HSP90B1: variants seen among roughly 807,000 people sequenced by gnomAD.
The protein encoded by HSP90B1 is heat shock protein 90 beta family member 1.
HSP90B1 carries 27 observed loss-of-function variants against 100.4 expected under a neutral mutation model. That is an observed-to-expected ratio of 0.27 (90% CI 0.20 to 0.37). The LOEUF (loss-of-function observed/expected upper bound fraction) is 0.37. HSP90B1 is among the 10% of genes least tolerant of loss of function. The pLI is 1.00. For synonymous variants in HSP90B1, 304 were observed against 330.8 expected, an observed-to-expected ratio of 0.92 and a Z score of 0.88; for missense variants, 678 against 960.5, an observed-to-expected ratio of 0.71 and a Z score of 3.89.
intron 5 of HSP90B1, among the ~76,000 whole-genome samples, chr12:103,934,967 C>A (rs1869868715): frequency 6.6e-6 from 1 of 152,274 alleles, no homozygotes; most frequent in Admixed American, 6.5e-5. Context: ...TCCCAAAGTG[C>A]TGGGATTACA....
chr12:103,946,625 G>T lies in HSP90B1; in HGVS notation c.2035G>T (p.Ala679Ser). 6.2e-7 allele frequency: 1 copy of T among 1,612,048 alleles called. No individual in the cohort carries two copies. The highest frequency in any genetic ancestry group is 8.5e-7 in the Non-Finnish European group (1 of 1,178,316). The change falls in exon 15 of 18, where the codon GCG (alanine) becomes TCG (serine). Residue 679 changes from alanine to serine, a missense_variant. Coordinates refer to ENST00000299767, the MANE Select transcript of HSP90B1 (RefSeq NM_003299.3). ...TGKDISTNYY[A>S]SQKKTFEINP... Reference sequence around the variant, plus strand: ...ATTTTTATCTCTTAACAGTTACTATGCGAGTCAGAAGAAAACATTTGAAAT... The same window carrying T: ...ATTTTTATCTCTTAACAGTTACTATTCGAGTCAGAAGAAAACATTTGAAAT...
chr12:103,947,817 T>C lies in HSP90B1; in HGVS notation c.*155T>C, dbSNP rs1870287553. On this transcript the variant is annotated 3_prime_UTR_variant, in exon 18 of 18. Transcript: ENST00000299767. The stretch of plus-strand genomic sequence containing the variant: ...GGGTCACAGGAAAAAGTGGGTTTTT[T>C]AGTTGAATTTTTTTTAACATTCCTC... 1 of 696,704 alleles carries C rather than the reference T, an allele frequency of 1.4e-6. No homozygotes were observed. The highest frequency in any genetic ancestry group is 2.6e-6 in the Non-Finnish European group (1 of 384,838). The allele number at this position is 696,704 out of a possible 1,614,324, so 43.2% of individuals were successfully genotyped here. A position where few individuals can be genotyped will look rare whatever the true frequency, so the allele number is the denominator to read the frequency against.
intron 16 of HSP90B1, among the ~76,000 whole-genome samples, 178 bp from the exon 17 acceptor site, chr12:103,947,133 C>T (rs369767654): frequency 1.1e-4 from 17 of 152,200 alleles, no homozygotes; most frequent in African/African-American, 3.4e-4. Flanking sequence ...CCTCCTTTTA[C>T]GTCCTCTTTC....
intron 14 of HSP90B1, 34 bp from the exon 15 acceptor site, chr12:103,946,584 T>C (rs775150661): frequency 2.0e-6 from 3 of 1,466,190 alleles, no homozygotes; most frequent in South Asian, 2.3e-5. Context: ...AAATTGGATA[T>C]GTTTTGTTAA....
rs1342049872 is a variant in HSP90B1, at chr12:103,932,259, CCTAA to C, written c.153-15_153-12del. On this transcript the variant is annotated splice_polypyrimidine_tract_variant and intron_variant, in intron 2 of 17. Coordinates refer to ENST00000299767, the MANE Select transcript of HSP90B1 (RefSeq NM_003299.3). ...AACTATGCCATGCAATATTTGCTTA[CCTAA>C]CTGATTTCCTTAGAGAGGAAGAAGC... 5.0e-6 allele frequency: 8 copies of C among 1,595,558 alleles called. No individual in the cohort carries two copies. In the South Asian group the frequency reaches 5.7e-5, roughly 11 times the overall value.
In HSP90B1 at chr12:103,947,712, ACAT is replaced by A. The variant is rs768203454; in HGVS notation, c.*54_*56del. ...TGTGTGGAGAGGGAATGTGAAATTT[ACAT>A]CATTTCTTTTTGGGAGAGACTTGTT... is the stretch of plus-strand genomic sequence containing the variant. On this transcript the variant is annotated 3_prime_UTR_variant, in exon 18 of 18. Coordinates refer to ENST00000299767, the MANE Select transcript of HSP90B1 (RefSeq NM_003299.3). The A allele has an allele frequency of 2.0e-6, 3 of 1,477,676 alleles. No individual in the cohort carries two copies. The highest frequency in any genetic ancestry group is 1.7e-4 in the Middle Eastern group (1 of 5,774). The allele number at this position is 1,477,676 out of a possible 1,614,324, so 91.5% of individuals were successfully genotyped here. A position where few individuals can be genotyped will look rare whatever the true frequency, so the allele number is the denominator to read the frequency against.
chr12:103,932,999 G>A lies in HSP90B1; in HGVS notation c.411+57G>A, dbSNP rs1555271028. ...AGGAAAAGGAATCCTTAAAGGTAGA[G>A]GATCCCTATCAGTCAAGATAGGCTA... On this transcript the variant is annotated intron_variant, in intron 4 of 17. Coordinates refer to ENST00000299767, the MANE Select transcript of HSP90B1 (RefSeq NM_003299.3). 5.5e-6 allele frequency: 5 copies of A among 911,486 alleles called. No homozygotes were observed. In the South Asian group the frequency reaches 6.6e-5, roughly 12 times the overall value. 56.5% of individuals were successfully genotyped at this position (911,486 alleles called of 1,614,324 possible).
intron 5 of HSP90B1, 44 bp downstream of exon 5, chr12:103,934,331 G>A: frequency 1.4e-6 from 2 of 1,417,194 alleles, no homozygotes; most frequent in Non-Finnish European, 2.0e-6. Flanking sequence ...GTCATGGTGA[G>A]GATCTTGACT....
intron 7 of HSP90B1, among the ~76,000 whole-genome samples, chr12:103,939,098 C>CTT (rs34408098): frequency 1.4e-5 from 2 of 144,272 alleles, no homozygotes. Context: ...CTTTGGTGCC[C>CTT]TTTTTTTTTT....
rs745570540 is a variant in HSP90B1, at chr12:103,934,135, C to T, written c.591C>T (p.Val197=). ...CTGAATTGATTGGCCAGTTTGGTGT[C>T]GGTTTCTATTCCGCCTTCCTTGTAG... The part of the protein sequence containing the change: ...STSELIGQFG[V]GFYSAFLVAD... The change falls in exon 5 of 18, where the codon GTC becomes GTT. Residue 197 remains valine, a synonymous_variant. Coordinates refer to ENST00000299767, the MANE Select transcript of HSP90B1 (RefSeq NM_003299.3). The T allele has an allele frequency of 1.1e-5, 17 of 1,614,180 alleles. No homozygotes were observed. The highest frequency in any genetic ancestry group is 1.6e-4 in the Middle Eastern group (1 of 6,062).
chr12:103,931,934 T>C, intron 2 of HSP90B1: 1 of 447,076 alleles, frequency 2.2e-6, no homozygotes, highest in Non-Finnish European at 4.1e-6. Flanking sequence ...ATGGGATTTC[T>C]GTCAGTTGAA....
At chr12:103,946,721 T>C (rs775405003) in intron 15 of HSP90B1, 25 bp downstream of exon 15, 15 of 1,612,968 alleles carry the variant, frequency 9.3e-6, no homozygotes, top group Non-Finnish European at 1.3e-5. Context: ...GTCCTCTTGC[T>C]TGTCTTTTAA....
intron 4 of HSP90B1, 65 bp downstream of exon 4, chr12:103,933,007 A>G (rs904173086): frequency 2.4e-6 from 2 of 846,152 alleles, no homozygotes; most frequent in African/African-American, 1.7e-5. Flanking sequence ...GAGGATCCCT[A>G]TCAGTCAAGA....
At chr12:103,940,010 T>C (rs1870028651) in intron 8 of HSP90B1, among the ~76,000 whole-genome samples, 1 of 152,242 alleles carries the variant, frequency 6.6e-6, no homozygotes, top group African/African-American at 2.4e-5. Context: ...ATCAAGAATG[T>C]TTGAAACAGT....
Position 103,941,462 on chromosome 12 carries a change from C to A in HSP90B1, c.1145C>A (p.Thr382Asn). ...CACTTTACTGCTGAAGGGGAAGTTA[C>A]CTTCAAATCAATTTTATTTGTACCC... ...YIHFTAEGEV[T>N]FKSILFVPTS... The change falls in exon 9 of 18, where the codon ACC (threonine) becomes AAC (asparagine). Residue 382 changes from threonine to asparagine, a missense_variant. Coordinates refer to ENST00000299767, the MANE Select transcript of HSP90B1 (RefSeq NM_003299.3). 1 of 1,613,346 alleles carries A rather than the reference C, an allele frequency of 6.2e-7. No homozygotes were observed. Among genetic ancestry groups the A allele is most frequent in the Non-Finnish European group, 8.5e-7 (1 of 1,179,832 alleles).
At chr12:103,944,536 C>T (rs1870169312) in intron 14 of HSP90B1, among the ~76,000 whole-genome samples, 1 of 151,898 alleles carries the variant, frequency 6.6e-6, no homozygotes, top group African/African-American at 2.4e-5. Context: ...ATCCTTTTTT[C>T]CCAAGGCCTA....
intron 16 of HSP90B1, 46 bp downstream of exon 16, chr12:103,946,987 TTTCTG>T: frequency 6.3e-7 from 1 of 1,577,010 alleles, no homozygotes; most frequent in Non-Finnish European, 8.6e-7. Flanking sequence ...GCTTTCTTTG[TTTCTG>T]TTCTTTCAGA....
chr12:103,931,493 GAA>G, intron 1 of HSP90B1, 26 bp from the exon 2 acceptor site: 4 of 1,553,800 alleles, frequency 2.6e-6, no homozygotes, highest in Non-Finnish European at 3.6e-6. Flanking sequence ...GTGTGATGTT[GAA>G]GAGTTTGCCC....
rs1870143350 is a variant in HSP90B1 at position 103,943,675 on chromosome 12, G to C, written c.1891-63G>C. The C allele has an allele frequency of 6.7e-7, 1 of 1,484,536 alleles. No individual in the cohort carries two copies. Among genetic ancestry groups the C allele is most frequent in the Non-Finnish European group, 9.2e-7 (1 of 1,086,118 alleles). The allele number at this position is 1,484,536 out of a possible 1,614,324, so 92.0% of individuals were successfully genotyped here. On this transcript the variant is annotated intron_variant, in intron 13 of 17. Coordinates refer to ENST00000299767, the MANE Select transcript of HSP90B1 (RefSeq NM_003299.3). This position sits in a 1 kb window ranked among gnomAD's most constrained non-coding sequence, Gnocchi z 5.3. Reference sequence around the variant, plus strand: ...GTGATAAAGTCTTAGACAGTTGAAAGACAATTGCTCAATGACCTTACCTGT... The same window carrying C: ...GTGATAAAGTCTTAGACAGTTGAAACACAATTGCTCAATGACCTTACCTGT...
Sources: gnomAD v4.1 joint callset for allele counts (sites outside exome capture counted in the v4.1 genomes callset) on GRCh38, gnomAD v4.1.1 for gene constraint, Gnocchi (gnomAD v3.1) non-coding constraint, MANE v1.5 for transcripts, NCBI Gene and HGNC (gene_info 2026-07-23, HGNC 2026-07-21) for gene names.